NOXRED1: variants seen among roughly 807,000 people sequenced by gnomAD.
The protein encoded by NOXRED1 is NADP dependent oxidoreductase domain containing 1, also known as NADP-dependent oxidoreductase domain-containing protein 1.
In NOXRED1, 20 loss-of-function variants were observed where a neutral mutation model predicts 30.4. The observed-to-expected ratio is 0.66, with a 90% CI of 0.46 to 0.96. The LOEUF is 0.96. NOXRED1 is among the 40% of genes least tolerant of loss of function. The pLI is 0.00. For missense variants in NOXRED1, 374 were observed against 428.0 expected (o/e 0.87, Z 1.11); for synonymous variants, 155 against 168.0 (o/e 0.92, Z 0.60).
chr14:77,414,191 T>C lies in NOXRED1; in HGVS notation c.156-64A>G. The C allele has an allele frequency of 7.5e-6, 8 of 1,063,480 alleles. 1 individual carries two copies. The South Asian group carries it at 1.3e-4, about 18-fold the overall frequency. The allele number at this position is 1,063,480 out of a possible 1,614,324, so 65.9% of individuals were successfully genotyped here. On this transcript the variant is annotated intron_variant, in intron 1 of 5. Transcript: ENST00000380835. ...CACACACTAGTTTTTCTTTTTTTTTTTTTTTTTTGAGACAGAGTCTTGCTT... is the reference window on the plus strand; with the variant it reads ...CACACACTAGTTTTTCTTTTTTTTTCTTTTTTTTGAGACAGAGTCTTGCTT...
intron 5 of NOXRED1, among the ~76,000 whole-genome samples, chr14:77,404,629 C>A (rs1417272608): frequency 6.6e-6 from 1 of 151,892 alleles, no homozygotes; most frequent in Non-Finnish European, 1.5e-5. Flanking sequence ...AGAAGTATAG[C>A]ATGAAAAGAA....
rs548812140 is a variant in NOXRED1 at position 77,415,970 on chromosome 14, C to T, written c.156-1843G>A. 2.1e-3 allele frequency among the ~76,000 whole-genome samples: 319 copies of T among 152,308 alleles called. 3 individuals carry two copies. The highest frequency in any genetic ancestry group is 7.2e-3 in the African/African-American group (301 of 41,574). On this transcript the variant is annotated intron_variant, in intron 1 of 5. Transcript: ENST00000380835. ...CTTCAAGTGATCCGCCCACCTCCGC[C>T]TCCCAAAGTGCTGGGATTATAGGCA...
At chr14:77,404,853 G>A (rs1214507685) in intron 5 of NOXRED1, among the ~76,000 whole-genome samples, 1 of 152,106 alleles carries the variant, frequency 6.6e-6, no homozygotes, top group African/African-American at 2.4e-5. Context: ...TGACATGGAA[G>A]TCACTAGTAA....
intron 2 of NOXRED1, among the ~76,000 whole-genome samples, chr14:77,413,401 G>T (rs1473336484): frequency 6.6e-6 from 1 of 151,996 alleles, no homozygotes; most frequent in Non-Finnish European, 1.5e-5. Context: ...ATCATGCCCA[G>T]CTAATTTTTG....
intron 3 of NOXRED1, among the ~76,000 whole-genome samples, 183 bp downstream of exon 3, chr14:77,407,282 T>C (rs529657275): frequency 1.3e-5 from 2 of 152,332 alleles, no homozygotes; most frequent in Admixed American, 1.3e-4. Context: ...TATTTGTGGG[T>C]AAGTAGGGAA....
At chr14:77,415,975 A>G (rs978375405) in intron 1 of NOXRED1, among the ~76,000 whole-genome samples, 4 of 152,048 alleles carry the variant, frequency 2.6e-5, no homozygotes, top group Non-Finnish European at 1.5e-5. Flanking sequence ...TCCGCCTCCC[A>G]AAGTGCTGGG....
At chr14:77,409,144 G>T (rs1481042331) in intron 2 of NOXRED1, among the ~76,000 whole-genome samples, 1 of 152,110 alleles carries the variant, frequency 6.6e-6, no homozygotes, top group African/African-American at 2.4e-5. Flanking sequence ...ACCACTGAGA[G>T]TACATGGCAA....
Position 77,406,864 on chromosome 14 carries a change from A to G in NOXRED1, c.542T>C (p.Leu181Pro), listed in dbSNP as rs1566708952. 2 of 1,613,798 alleles carry G rather than the reference A, an allele frequency of 1.2e-6. No individual in the cohort carries two copies. The highest frequency in any genetic ancestry group is 1.7e-5 in the Admixed American group (1 of 59,946). The change falls in exon 4 of 6, where the codon CTG (leucine) becomes CCG (proline). Residue 181 changes from leucine (L) to proline (P), a missense_variant. Coordinates refer to ENST00000380835, the MANE Select transcript of NOXRED1 (RefSeq NM_001113475.3). ...CCGCAAGATATTGGTGTGGTTCAAC[A>G]GTAGTTTCAGCCTGGAAGTAAAGCC... ...AAIPLPRLKL[L>P]LNHTNILRPQ...
intron 1 of NOXRED1, among the ~76,000 whole-genome samples, chr14:77,415,087 G>A (rs1048965737): frequency 1.3e-5 from 2 of 151,890 alleles, no homozygotes; most frequent in Admixed American, 1.3e-4. Context: ...GAGGTGGGAG[G>A]ATTGCTTGAG....
intron 1 of NOXRED1, among the ~76,000 whole-genome samples, chr14:77,422,178 T>C (rs1183083125): frequency 6.6e-6 from 1 of 152,072 alleles, no homozygotes; most frequent in Non-Finnish European, 1.5e-5. Context: ...TAATTATAGG[T>C]ACCTGCTTCA....
At chr14:77,398,693 G>A (rs749286512) in intron 5 of NOXRED1, among the ~76,000 whole-genome samples, 2 of 152,190 alleles carry the variant, frequency 1.3e-5, no homozygotes, top group African/African-American at 2.4e-5. Context: ...TTTACAGGCC[G>A]GGTGCGATGG....
chr14:77,423,921 T>A (rs571892462), upstream of NOXRED1, among the ~76,000 whole-genome samples: 24 of 152,334 alleles, frequency 1.6e-4, no homozygotes, highest in South Asian at 2.7e-3. Context: ...ACCACCTCTA[T>A]CTTGTTGCAA....
chr14:77,409,025 G>A (rs1429791078), intron 2 of NOXRED1, among the ~76,000 whole-genome samples: 1 of 150,796 alleles, frequency 6.6e-6, no homozygotes, highest in East Asian at 2.0e-4. Flanking sequence ...GAGGCAATAT[G>A]GATTTTCAAA....
intron 5 of NOXRED1, among the ~76,000 whole-genome samples, chr14:77,398,849 A>T (rs1420422287): frequency 6.6e-6 from 1 of 151,966 alleles, no homozygotes; most frequent in East Asian, 1.9e-4. Context: ...GGCACCTGTA[A>T]TCCCAGCTAC....
upstream of NOXRED1, among the ~76,000 whole-genome samples, chr14:77,425,079 C>T (rs1895091676): frequency 6.6e-6 from 1 of 152,176 alleles, no homozygotes; most frequent in Non-Finnish European, 1.5e-5. Context: ...AGCGGGACAC[C>T]CACCTCATCA....
At chr14:77,409,798 A>G (rs1477771013) in intron 2 of NOXRED1, among the ~76,000 whole-genome samples, 1 of 151,722 alleles carries the variant, frequency 6.6e-6, no homozygotes, top group Non-Finnish European at 1.5e-5. Flanking sequence ...GGATAAAGAT[A>G]TATACCTTGA....
At position 77,414,207 on chromosome 14, in the gene NOXRED1, AG is replaced by A. The variant is rs1399292789; in HGVS notation, c.156-81del. On this transcript the variant is annotated intron_variant, in intron 1 of 5. Transcript: ENST00000380835. Reference sequence around the variant, plus strand: ...TTTTTTTTTTTTTTTTTTGAGACAGAGTCTTGCTTTGTCGCCCAGGTTAGAG... The same window carrying A: ...TTTTTTTTTTTTTTTTTTGAGACAGATCTTGCTTTGTCGCCCAGGTTAGAG... 4.5e-5 allele frequency: 41 copies of A among 906,102 alleles called. No homozygotes were observed. In the Admixed American group the frequency reaches 1.2e-3, roughly 27 times the overall value. The allele number at this position is 906,102 out of a possible 1,614,324, so 56.1% of individuals were successfully genotyped here.
chr14:77,418,680 C>A (rs919806547), intron 1 of NOXRED1, among the ~76,000 whole-genome samples: 1 of 151,798 alleles, frequency 6.6e-6, no homozygotes, highest in Non-Finnish European at 1.5e-5. Context: ...CAGGTGTGTA[C>A]CACTATGCCC....
chr14:77,420,665 G>T (rs956306735), intron 1 of NOXRED1, among the ~76,000 whole-genome samples: 2 of 152,016 alleles, frequency 1.3e-5, no homozygotes, highest in Non-Finnish European at 2.9e-5. Flanking sequence ...CTTTAGGGCT[G>T]GTTTCTGCAG....
Sources: gnomAD v4.1 joint callset for allele counts (sites outside exome capture counted in the v4.1 genomes callset) on GRCh38, gnomAD v4.1.1 for gene constraint, MANE v1.5 for transcripts, NCBI Gene and HGNC (gene_info 2026-07-23, HGNC 2026-07-21) for gene names.